Variants in MAFG observed in about 807,000 individuals in gnomAD.
The protein encoded by MAFG is transcription factor MafG.
A neutral mutation model predicts 12.2 loss-of-function variants in MAFG; 3 were observed. The observed-to-expected ratio is 0.25, with a 90% CI of 0.11 to 0.64. MAFG has a LOEUF of 0.64. Among genes scored for constraint, MAFG ranks in the 30% least tolerant of loss-of-function variants. The pLI, the probability that MAFG is intolerant of heterozygous loss-of-function variation, is 0.85. For missense variants in MAFG, 153 were observed against 235.5 expected, an observed-to-expected ratio of 0.65 and a Z score of 2.29; for synonymous variants, 126 against 109.1, an observed-to-expected ratio of 1.15 and a Z score of -0.96.
In MAFG at chr17:81,922,478, G is replaced by T; in HGVS notation, c.*127C>A. The T allele has an allele frequency of 1.3e-6, 1 of 745,746 alleles. No homozygotes were observed. Among genetic ancestry groups the T allele is most frequent in the Non-Finnish European group, 2.0e-6 (1 of 497,076 alleles). The allele number at this position is 745,746 out of a possible 1,614,324, so 46.2% of individuals were successfully genotyped here. A position where few individuals can be genotyped will look rare whatever the true frequency, so the allele number is the denominator to read the frequency against. ...GCCCCTGGGGTACAGGTTGTGCTTT[G>T]CAGGGAAGAGAGAAGGGTGGGGAAG... On this transcript the variant is annotated 3_prime_UTR_variant, in exon 3 of 3. Coordinates refer to ENST00000357736, the MANE Select transcript of MAFG (RefSeq NM_002359.4).
chr17:81,918,886 C>A lies in MAFG; in HGVS notation c.*3719G>T. The A allele has an allele frequency of 6.6e-6, 1 of 152,440 alleles. No individual in the cohort carries two copies. Among genetic ancestry groups the A allele is most frequent in the Non-Finnish European group, 1.5e-5 (1 of 68,116 alleles). 9.4% of individuals were successfully genotyped at this position (152,440 alleles called of 1,614,324 possible). On this transcript the variant is annotated 3_prime_UTR_variant, in exon 3 of 3. Coordinates refer to ENST00000357736, the MANE Select transcript of MAFG (RefSeq NM_002359.4). The stretch of plus-strand genomic sequence containing the variant: ...AGTTTATCGGGGACACACTCTAGCT[C>A]AGACTCAAGGGACACCCATGGTATC...
At position 81,921,545 on chromosome 17, in the gene MAFG, G is replaced by A. The variant is rs1318486649; in HGVS notation, c.*1060C>T. 7 of 151,368 alleles carry A rather than the reference G, an allele frequency of 4.6e-5. No individual in the cohort carries two copies. Among genetic ancestry groups the A allele is most frequent in the Admixed American group, 6.6e-5 (1 of 15,218 alleles). 9.4% of individuals were successfully genotyped at this position (151,368 alleles called of 1,614,324 possible). ...TATCAAAGAGGACGGCCTTCTGGTC[G>A]GCTCACGGCTTGGCTTTTTTTTTTT... On this transcript the variant is annotated 3_prime_UTR_variant, in exon 3 of 3. Transcript: ENST00000357736.
Position 81,918,903 on chromosome 17 carries a change from C to T in MAFG, c.*3702G>A, listed in dbSNP as rs2143802820. The T allele has an allele frequency of 6.6e-6, 1 of 152,396 alleles. No homozygotes were observed. Among genetic ancestry groups the T allele is most frequent in the East Asian group, 1.9e-4 (1 of 5,184 alleles). The allele number at this position is 152,396 out of a possible 1,614,324, so 9.4% of individuals were successfully genotyped here. ...CTCTAGCTCAGACTCAAGGGACACCCATGGTATCAAAGCTGCTGCTCCAGG... is the reference window on the plus strand; with the variant it reads ...CTCTAGCTCAGACTCAAGGGACACCTATGGTATCAAAGCTGCTGCTCCAGG... On this transcript the variant is annotated 3_prime_UTR_variant, in exon 3 of 3. Transcript: ENST00000357736.
rs1001487206 is a variant in MAFG at position 81,921,913 on chromosome 17, G to A, written c.*692C>T. The stretch of plus-strand genomic sequence containing the variant: ...AAGGGCTATATAACCACACAAATAG[G>A]TCATGTAAACAGTGACACGGGACCC... On this transcript the variant is annotated 3_prime_UTR_variant, in exon 3 of 3. Coordinates refer to ENST00000357736, the MANE Select transcript of MAFG (RefSeq NM_002359.4). The A allele has an allele frequency of 1.4e-4, 21 of 151,970 alleles. No individual in the cohort carries two copies. Among genetic ancestry groups the A allele is most frequent in the African/African-American group, 4.6e-4 (19 of 41,362 alleles). The allele number at this position is 151,970 out of a possible 1,614,324, so 9.4% of individuals were successfully genotyped here.
rs1325229038 is a variant in MAFG at position 81,924,916 on chromosome 17, C to G, written c.-29-1702G>C. ...CTAAGCACAATGACAGTGGTGACTT[C>G]CTGAAGAGATCACACGGAAAAGTGC... is the stretch of plus-strand genomic sequence containing the variant. On this transcript the variant is annotated intron_variant, in intron 1 of 2. Coordinates refer to ENST00000357736, the MANE Select transcript of MAFG (RefSeq NM_002359.4). This position sits in a 1 kb window ranked among gnomAD's most constrained non-coding sequence, Gnocchi z 4.7. Among the ~76,000 whole-genome samples, 2 of 152,068 alleles carry G rather than the reference C, an allele frequency of 1.3e-5. No homozygotes were observed. Among genetic ancestry groups the G allele is most frequent in the East Asian group, 3.9e-4 (2 of 5,176 alleles).
rs2040893585 is a variant in MAFG, at chr17:81,921,842, TAATTA to T, written c.*758_*762del. Reference sequence around the variant, plus strand: ...CTTTTTTCTTTAACTTTTAAACATATAATTAATTTAATAACTTTGTAAAAGGAACT... The same window carrying T: ...CTTTTTTCTTTAACTTTTAAACATATATTTAATAACTTTGTAAAAGGAACT... On this transcript the variant is annotated 3_prime_UTR_variant, in exon 3 of 3. Transcript: ENST00000357736. 1 of 152,006 alleles carries T rather than the reference TAATTA, an allele frequency of 6.6e-6. No homozygotes were observed. Among genetic ancestry groups the T allele is most frequent in the Non-Finnish European group, 1.5e-5 (1 of 67,956 alleles). The allele number at this position is 152,006 out of a possible 1,614,324, so 9.4% of individuals were successfully genotyped here.
chr17:81,927,774 C>A (rs1349660019), upstream of MAFG: 4 of 152,064 alleles, frequency 2.6e-5, no homozygotes, highest in African/African-American at 9.7e-5. Context: ...GAAGCGGCGA[C>A]GCGGCCGGCC....
upstream of MAFG, chr17:81,927,803 C>CGCG (rs995553160): frequency 6.6e-6 from 1 of 152,142 alleles, no homozygotes; most frequent in Non-Finnish European, 1.5e-5. Context: ...AAGGGGAAGG[C>CGCG]GCGGCGGCGG....
chr17:81,931,240 G>T (rs1416047717), upstream of MAFG, among the ~76,000 whole-genome samples: 1 of 152,198 alleles, frequency 6.6e-6, no homozygotes, highest in Admixed American at 6.5e-5. Flanking sequence ...GCTTCCTCTG[G>T]AGCCCAAGAC....
upstream of MAFG, among the ~76,000 whole-genome samples, chr17:81,928,825 C>T (rs1375633693): frequency 6.6e-6 from 1 of 152,364 alleles, no homozygotes; most frequent in East Asian, 1.9e-4. This position sits in a 1 kb window ranked among gnomAD's most constrained non-coding sequence, Gnocchi z 8.1. Flanking sequence ...TGCCTCTCCT[C>T]CCTGCTCGCG....
chr17:81,927,332 C>T (rs1408039425), intron 1 of MAFG, among the ~76,000 whole-genome samples, 196 bp downstream of exon 1: 1 of 151,526 alleles, frequency 6.6e-6, no homozygotes, highest in African/African-American at 2.4e-5. Flanking sequence ...GAGGAGCTGG[C>T]TCCTGACCGC....
rs2040943542 is a variant in MAFG at position 81,926,846 on chromosome 17, TGGCCCCCTCCCACATCCCCAC to T, written c.-30+661_-30+681del. 6.7e-6 allele frequency among the ~76,000 whole-genome samples: 1 copy of T among 149,850 alleles called. No homozygotes were observed. Among genetic ancestry groups the T allele is most frequent in the African/African-American group, 2.5e-5 (1 of 40,590 alleles). ...AACAGGCACCCCAAGGCGCCGGGCC[TGGCCCCCTCCCACATCCCCAC>T]GGCTCCCTCCCACCTCCCGCTGGCG... On this transcript the variant is annotated intron_variant, in intron 1 of 2. Transcript: ENST00000357736. The surrounding 1 kb of genome is among the most constrained non-coding windows in gnomAD (Gnocchi z 4.6).
At chr17:81,927,148 GCCGGGCCCTGGCGCGGACCC>G (rs1319675942) in intron 1 of MAFG, among the ~76,000 whole-genome samples, 1 of 151,552 alleles carries the variant, frequency 6.6e-6, no homozygotes, top group African/African-American at 2.4e-5. Flanking sequence ...GGGCCGGGCC[GCCGGGCCCTGGCGCGGACCC>G]CCGGGCGCCT....
upstream of MAFG, chr17:81,928,425 G>A (rs1463333504): frequency 6.6e-6 from 1 of 152,158 alleles, no homozygotes; most frequent in African/African-American, 2.4e-5. This position sits in a 1 kb window ranked among gnomAD's most constrained non-coding sequence, Gnocchi z 8.1. Context: ...GGGAGGGGAA[G>A]GGTGGCCGCC....
intron 1 of MAFG, among the ~76,000 whole-genome samples, chr17:81,925,617 G>A (rs1157960039): frequency 2.0e-5 from 3 of 152,046 alleles, no homozygotes; most frequent in African/African-American, 7.2e-5. Context: ...GACCATCCTG[G>A]CTAACACGGT....
upstream of MAFG, chr17:81,927,896 G>A (rs897108090): frequency 6.6e-6 from 1 of 152,170 alleles, no homozygotes; most frequent in Non-Finnish European, 1.5e-5. Flanking sequence ...GGTCTCACGG[G>A]CGGGCCTGGG....
chr17:81,925,330 C>T (rs1360040886), intron 1 of MAFG, among the ~76,000 whole-genome samples: 2 of 152,212 alleles, frequency 1.3e-5, no homozygotes, highest in Admixed American at 6.5e-5. Context: ...TTGGGAGCTC[C>T]GTCTCCTTTG....
At chr17:81,923,705 G>A (rs2040918746) in intron 1 of MAFG, among the ~76,000 whole-genome samples, 2 of 152,214 alleles carry the variant, frequency 1.3e-5, no homozygotes, top group Middle Eastern at 3.4e-3. Context: ...GCAGCCCCCA[G>A]CCTGGCCAAT....
chr17:81,923,262 A>ACACCCC (rs1367797849), intron 1 of MAFG, 48 bp from the exon 2 acceptor site: 1 of 336,900 alleles, frequency 3.0e-6, no homozygotes, highest in African/African-American at 7.4e-5. Flanking sequence ...CCCTCGCCGC[A>ACACCCC]CCCCCCCCCC....
Sources: allele counts gnomAD v4.1 joint callset (sites outside exome capture counted in the v4.1 genomes callset), GRCh38; gene constraint gnomAD v4.1.1; non-coding constraint Gnocchi (gnomAD v3.1); transcripts MANE v1.5; gene names NCBI Gene and HGNC (gene_info 2026-07-23, HGNC 2026-07-21).